REL: variants seen among roughly 807,000 people sequenced by gnomAD.
REL encodes the protein REL proto-oncogene, NF-kB subunit, also known as proto-oncogene c-Rel.
In REL, 15 loss-of-function variants were observed where a neutral mutation model predicts 45.9. That is an observed-to-expected ratio of 0.33 (90% confidence interval 0.22 to 0.50). REL has a LOEUF of 0.50. Among genes scored for constraint, REL ranks in the 20% least tolerant of loss-of-function variants. The pLI, the probability that REL is intolerant of heterozygous loss-of-function variation, is 0.98. For missense variants in REL, 601 were observed against 715.2 expected, an observed-to-expected ratio of 0.84 and a Z score of 1.82; for synonymous variants, 239 against 242.1, an observed-to-expected ratio of 0.99 and a Z score of 0.12.
chr2:60,916,149 A>C (rs1573341363), intron 4 of REL, among the ~76,000 whole-genome samples: 1 of 152,370 alleles, frequency 6.6e-6, no homozygotes, highest in South Asian at 2.1e-4. Flanking sequence ...TCAGTGGCTC[A>C]CGCCCATAAT....
intron 1 of REL, among the ~76,000 whole-genome samples, chr2:60,886,788 A>G: frequency 6.6e-6 from 1 of 152,124 alleles, no homozygotes. Flanking sequence ...TTAGATAGGC[A>G]CTATGTTTTA....
chr2:60,918,299 T>G lies in REL; in HGVS notation c.640+4T>G. The G allele has an allele frequency of 6.4e-7, 1 of 1,571,204 alleles. No homozygotes were observed. The highest frequency in any genetic ancestry group is 8.7e-7 in the Non-Finnish European group (1 of 1,147,630). ...CTTTGTGACAAAGTTCAGAAAGGTA[T>G]TTATTTATTTCATTGAATTTAGAAT... is the stretch of plus-strand genomic sequence containing the variant. On this transcript the variant is annotated splice_donor_region_variant and intron_variant, in intron 6 of 9. Transcript: ENST00000394479.
In REL at chr2:60,923,231, C is replaced by T; in HGVS notation, c.*696C>T. 4.7e-6 allele frequency: 1 copy of T among 211,396 alleles called. No individual in the cohort carries two copies. The highest frequency in any genetic ancestry group is 9.6e-6 in the Non-Finnish European group (1 of 104,090). The allele number at this position is 211,396 out of a possible 1,614,324, so 13.1% of individuals were successfully genotyped here. A position where few individuals can be genotyped will look rare whatever the true frequency, so the allele number is the denominator to read the frequency against. ...AGGGGTTTTCTTAGGCTTCTTGGAG[C>T]TTAGATTTGTATGTATATCAAAATG... On this transcript the variant is annotated 3_prime_UTR_variant, in exon 10 of 10. Coordinates refer to ENST00000394479, the MANE Select transcript of REL (RefSeq NM_001291746.2).
In REL at chr2:60,925,027, G is replaced by C; in HGVS notation, c.*2492G>C. The C allele has an allele frequency of 5.0e-6, 1 of 200,540 alleles. No individual in the cohort carries two copies. Among genetic ancestry groups the C allele is most frequent in the African/African-American group, 2.3e-5 (1 of 43,556 alleles). 12.4% of individuals were successfully genotyped at this position (200,540 alleles called of 1,614,324 possible). On this transcript the variant is annotated 3_prime_UTR_variant, in exon 10 of 10. Transcript: ENST00000394479. The stretch of plus-strand genomic sequence containing the variant: ...CATTTGATATATAATTATTTATTTT[G>C]CCCTTTTATTTCCCAAAGACATTGT...
chr2:60,931,181 GTC>G lies in REL; in HGVS notation c.*8649_*8650del, dbSNP rs1340631270. ...TAATTAGCTAATAATGTTGGTCACT[GTC>G]TCACAGTTCAAGTAGCTTTAAGATG... On this transcript the variant is annotated 3_prime_UTR_variant, in exon 10 of 10. Coordinates refer to ENST00000394479, the MANE Select transcript of REL (RefSeq NM_001291746.2). 1 of 147,806 alleles carries G rather than the reference GTC, an allele frequency of 6.8e-6. No individual in the cohort carries two copies. Among genetic ancestry groups the G allele is most frequent in the Non-Finnish European group, 1.5e-5 (1 of 68,016 alleles). 9.2% of individuals were successfully genotyped at this position (147,806 alleles called of 1,614,324 possible). A position where few individuals can be genotyped will look rare whatever the true frequency, so the allele number is the denominator to read the frequency against.
rs188572845 is a variant in REL, at chr2:60,921,973, C to T, written c.1202C>T (p.Thr401Ile). The T allele has an allele frequency of 1.7e-4, 272 of 1,614,196 alleles. 3 individuals carry two copies. In the East Asian group the frequency reaches 5.5e-3, roughly 33 times the overall value. The part of the protein sequence containing the change: ...GNTNPLSSFS[T>I]RTLPSNSQGI... ...ACAAACCCACTGAGTAGTTTTTCAA[C>T]AAGGACACTTCCTTCTAATTCGCAA... The change falls in exon 10 of 10, where the codon ACA (threonine) becomes ATA (isoleucine). Residue 401 changes from threonine to isoleucine, a missense_variant. Coordinates refer to ENST00000394479, the MANE Select transcript of REL (RefSeq NM_001291746.2).
At chr2:60,905,745 C>T (rs989365008) in intron 4 of REL, among the ~76,000 whole-genome samples, 27 of 152,136 alleles carry the variant, frequency 1.8e-4, no homozygotes, top group African/African-American at 6.3e-4. Context: ...AAGAAAAATA[C>T]ACTTGGAAGA....
intron 7 of REL, 66 bp downstream of exon 7, chr2:60,918,672 G>T: frequency 1.8e-6 from 2 of 1,081,274 alleles, no homozygotes; most frequent in South Asian, 1.3e-5. Context: ...ACATCTTCTT[G>T]TAATATTCAT....
chr2:60,903,463 T>G (rs578053979), intron 4 of REL, among the ~76,000 whole-genome samples: 1 of 152,190 alleles, frequency 6.6e-6, no homozygotes, highest in South Asian at 2.1e-4. Flanking sequence ...AGCCTTGACC[T>G]CCCAGGCTCA....
chr2:60,895,942 A>G (rs1673335111), intron 3 of REL, among the ~76,000 whole-genome samples: 1 of 152,206 alleles, frequency 6.6e-6, no homozygotes. Context: ...TCATATTGCC[A>G]ATATGTCTAT....
At chr2:60,906,697 A>G (rs891559651) in intron 4 of REL, among the ~76,000 whole-genome samples, 1 of 151,838 alleles carries the variant, frequency 6.6e-6, no homozygotes, top group African/African-American at 2.4e-5. Flanking sequence ...GCTTTTATAC[A>G]TGCAGTTCCT....
Position 60,890,154 on chromosome 2 carries a change from G to A in REL, c.11-1529G>A, listed in dbSNP as rs190995304. On this transcript the variant is annotated intron_variant, in intron 1 of 9. Coordinates refer to ENST00000394479, the MANE Select transcript of REL (RefSeq NM_001291746.2). ...ATGATCGCCATTCTAACTGGTGTAA[G>A]ATGGTATCTCATTGTGGTTTTGATT... is the stretch of plus-strand genomic sequence containing the variant. Among the ~76,000 whole-genome samples the A allele has an allele frequency of 8.8e-3, 1,333 of 152,294 alleles. 14 individuals are homozygous for A. The highest frequency in any genetic ancestry group is 0.037 in the Middle Eastern group (11 of 294).
At position 60,929,185 on chromosome 2, in the gene REL, G is replaced by A. The variant is rs1008367569; in HGVS notation, c.*6650G>A. ...GTCAGGAGACAACAGGTGCTGGAGA[G>A]GATGTGGAGAAATAGGAACACTTTT... is the stretch of plus-strand genomic sequence containing the variant. On this transcript the variant is annotated 3_prime_UTR_variant, in exon 10 of 10. Transcript: ENST00000394479. 4.0e-5 allele frequency: 6 copies of A among 150,704 alleles called. No homozygotes were observed. Among genetic ancestry groups the A allele is most frequent in the African/African-American group, 1.5e-4 (6 of 40,978 alleles). The allele number at this position is 150,704 out of a possible 1,614,324, so 9.3% of individuals were successfully genotyped here.
intron 4 of REL, among the ~76,000 whole-genome samples, chr2:60,901,757 G>A (rs1342490670): frequency 6.6e-6 from 1 of 152,104 alleles, no homozygotes; most frequent in Non-Finnish European, 1.5e-5. Flanking sequence ...AGGTATTGGA[G>A]TGCATTTAGC....
chr2:60,910,185 G>T (rs1673772420), intron 4 of REL, among the ~76,000 whole-genome samples: 1 of 152,022 alleles, frequency 6.6e-6, no homozygotes, highest in Non-Finnish European at 1.5e-5. Flanking sequence ...AAAGGAAGGG[G>T]CTGGGCACGG....
chr2:60,882,079 A>T (rs1672955387), intron 1 of REL, among the ~76,000 whole-genome samples: 1 of 152,216 alleles, frequency 6.6e-6, no homozygotes. Flanking sequence ...GGAACCTTAG[A>T]AATTCCCAAC....
At chr2:60,920,352 C>CA (rs1271582756) in intron 8 of REL, 27 of 618,124 alleles carry the variant, frequency 4.4e-5, no homozygotes, top group Non-Finnish European at 7.3e-5. Context: ...AGGCATGTGC[C>CA]ACCACACCCG....
chr2:60,918,094 T>C, intron 5 of REL, 97 bp from the exon 6 acceptor site: 1 of 704,026 alleles, frequency 1.4e-6, no homozygotes, highest in Non-Finnish European at 2.4e-6. Context: ...CTAAAACTTT[T>C]ATTCTGTGAA....
At chr2:60,900,191 G>A (rs1296481065) in intron 3 of REL, 1 of 152,180 alleles carries the variant, frequency 6.6e-6, no homozygotes, top group African/African-American at 2.4e-5. Flanking sequence ...AAATCCAGAT[G>A]TTCATATGCA....
Sources: allele counts gnomAD v4.1 joint callset (sites outside exome capture counted in the v4.1 genomes callset), GRCh38; gene constraint gnomAD v4.1.1; transcripts MANE v1.5; gene names NCBI Gene and HGNC (gene_info 2026-07-23, HGNC 2026-07-21).